ZNF841: variants seen among roughly 807,000 people sequenced by gnomAD.
ZNF841 encodes TCONS_00006091.
ZNF841 carries 11 observed loss-of-function variants against 13.0 expected under a neutral mutation model. The ratio of observed to expected loss-of-function variants is 0.85; its 90% CI spans 0.53 to 1.40. The LOEUF is 1.40. ZNF841 is among the 40% of genes most tolerant of loss of function. The pLI, the probability that ZNF841 is intolerant of heterozygous loss-of-function variation, is 0.00. For synonymous variants in ZNF841, 369 were observed against 381.6 expected (o/e 0.97, Z 0.38); for missense variants, 1,068 against 1,139.5 (o/e 0.94, Z 0.90).
At chr19:52,073,591 G>A (rs919948561) in intron 6 of ZNF841, among the ~76,000 whole-genome samples, 8 of 152,304 alleles carry the variant, frequency 5.3e-5, no homozygotes, top group South Asian at 2.1e-4. Context: ...TTACAGGCAT[G>A]AGCCATTGCT....
At chr19:52,061,676 G>A (rs1231825658), downstream of ZNF841, among the ~76,000 whole-genome samples, 7 of 152,040 alleles carry the variant, frequency 4.6e-5, no homozygotes, top group African/African-American at 1.4e-4. Flanking sequence ...CCTCCCAGGT[G>A]GCTGGGATTA....
At chr19:52,091,228 A>G (rs892139578) in intron 2 of ZNF841, among the ~76,000 whole-genome samples, 1 of 152,214 alleles carries the variant, frequency 6.6e-6, no homozygotes, top group Non-Finnish European at 1.5e-5. Context: ...CCATGTTCAT[A>G]GATTGTAAGA....
rs1293294961 is a variant in ZNF841 at position 52,067,376 on chromosome 19, C to T, written c.506G>A (p.Arg169Gln). 7 of 1,548,220 alleles carry T rather than the reference C, an allele frequency of 4.5e-6. No homozygotes were observed. The highest frequency in any genetic ancestry group is 2.7e-5 in the African/African-American group (2 of 72,902). ...HKNNLTGQRVRHSQGDVENKH... is the reference protein window; with the variant it reads ...HKNNLTGQRVQHSQGDVENKH... ...GTTTTCTACGTCCCCTTGACTATGT[C>T]GAACTCTTTGACCAGTAAGATTGTT... The change falls in exon 7 of 7, where the codon CGA (arginine) becomes CAA (glutamine). Residue 169 changes from arginine (R) to glutamine (Q), a missense_variant. Transcript: ENST00000594440.
intron 4 of ZNF841, among the ~76,000 whole-genome samples, chr19:52,082,063 C>T (rs940202164): frequency 1.3e-5 from 2 of 152,064 alleles, no homozygotes; most frequent in African/African-American, 2.4e-5. Flanking sequence ...CATCAAGCAT[C>T]AAGAACGTAT....
chr19:52,066,791 T>G lies in ZNF841; in HGVS notation c.1091A>C (p.Gln364Pro). The change falls in exon 7 of 7, where the codon CAG becomes CCG. Residue 364 changes from glutamine (Q) to proline (P), a missense_variant. Physicochemically the swap from Gln to Pro is moderately conservative, Grantham distance 76. Transcript: ENST00000594440. ...FSKSSHLAVHQRIHTGEKPYK... is the reference protein window; with the variant it reads ...FSKSSHLAVHPRIHTGEKPYK... Reference sequence around the variant, plus strand: ...AGGTTTCTCTCCAGTATGAATTCTCTGATGAACTGCAAGGTGGGAACTTTT... The same window carrying G: ...AGGTTTCTCTCCAGTATGAATTCTCGGATGAACTGCAAGGTGGGAACTTTT... The G allele has an allele frequency of 6.2e-7, 1 of 1,614,080 alleles. No homozygotes were observed. The highest frequency in any genetic ancestry group is 8.5e-7 in the Non-Finnish European group (1 of 1,179,984).
downstream of ZNF841, among the ~76,000 whole-genome samples, chr19:52,063,040 T>A (rs192121507): frequency 1.5e-3 from 234 of 152,146 alleles, no homozygotes; most frequent in African/African-American, 5.4e-3. Flanking sequence ...CACGCCTGGC[T>A]AATTATTTGT....
intron 4 of ZNF841, among the ~76,000 whole-genome samples, chr19:52,082,659 T>G (rs60193983): frequency 0.16 from 25,037 of 152,190 alleles, 2,591 homozygotes; most frequent in East Asian, 0.38. Flanking sequence ...GAAGACAGCA[T>G]GCACAGAGGA....
chr19:52,078,511 A>G (rs762446709), intron 4 of ZNF841, among the ~76,000 whole-genome samples: 1 of 152,090 alleles, frequency 6.6e-6, no homozygotes, highest in Non-Finnish European at 1.5e-5. Context: ...CATCCTGGCT[A>G]ACACGGTGAA....
chr19:52,062,560 C>T (rs553250359), downstream of ZNF841, among the ~76,000 whole-genome samples: 22 of 152,264 alleles, frequency 1.4e-4, no homozygotes, highest in South Asian at 4.6e-3. Flanking sequence ...GCCCTCTCAC[C>T]TTACTGATTT....
At chr19:52,074,841 A>T (rs545180004) in intron 6 of ZNF841, among the ~76,000 whole-genome samples, 2 of 152,068 alleles carry the variant, frequency 1.3e-5, no homozygotes, top group Non-Finnish European at 2.9e-5. Context: ...TACACCATTC[A>T]CTGCTAGCTC....
chr19:52,070,759 C>T (rs972204398), intron 6 of ZNF841, among the ~76,000 whole-genome samples: 1 of 152,204 alleles, frequency 6.6e-6, no homozygotes, highest in Non-Finnish European at 1.5e-5. Context: ...GAGTCATCAT[C>T]CCCTGCACAT....
the ZNF841 span, chr19:52,058,757 G>A: frequency 1.3e-5 from 2 of 153,120 alleles, no homozygotes; most frequent in South Asian, 2.1e-4. Context: ...TCAAAAAGCT[G>A]TAAAAATTTC....
intron 3 of ZNF841, among the ~76,000 whole-genome samples, chr19:52,087,288 T>G (rs1370478795): frequency 2.0e-5 from 3 of 152,214 alleles, no homozygotes; most frequent in African/African-American, 7.2e-5. Flanking sequence ...CATGGGGATG[T>G]GTTGTACACA....
At chr19:52,086,796 C>T (rs370894859) in intron 3 of ZNF841, among the ~76,000 whole-genome samples, 15 of 152,226 alleles carry the variant, frequency 9.9e-5, no homozygotes, top group African/African-American at 3.6e-4. Context: ...AAGAGTAAAG[C>T]AGGAAATGAA....
chr19:52,059,372 T>A, the ZNF841 span, among the ~76,000 whole-genome samples: 989 of 69,678 alleles, frequency 0.014, 9 homozygotes, highest in African/African-American at 0.049. Context: ...AAAAAAAAAA[T>A]ATATATATAT....
At chr19:52,069,515 T>C in intron 6 of ZNF841, among the ~76,000 whole-genome samples, 1 of 152,226 alleles carries the variant, frequency 6.6e-6, no homozygotes, top group Middle Eastern at 3.2e-3. Context: ...AGATACAATG[T>C]AGACTGCTCT....
chr19:52,079,303 G>A (rs10409383), intron 4 of ZNF841, among the ~76,000 whole-genome samples: 1,729 of 152,062 alleles, frequency 0.011, 36 homozygotes, highest in African/African-American at 0.038. Flanking sequence ...AGTGATTCAA[G>A]ATTAGGTGGT....
At chr19:52,085,140 C>A (rs1414630819) in intron 3 of ZNF841, among the ~76,000 whole-genome samples, 1 of 152,176 alleles carries the variant, frequency 6.6e-6, no homozygotes, top group Non-Finnish European at 1.5e-5. Context: ...AGGACACAGA[C>A]CCATCCCTGA....
intron 2 of ZNF841, among the ~76,000 whole-genome samples, chr19:52,093,333 T>C (rs1204869919): frequency 6.6e-6 from 1 of 152,152 alleles, no homozygotes; most frequent in Non-Finnish European, 1.5e-5. Context: ...TGGATGAACC[T>C]GGAAGACATT....
Sources: gnomAD v4.1 joint callset for allele counts (sites outside exome capture counted in the v4.1 genomes callset) on GRCh38, gnomAD v4.1.1 for gene constraint, MANE v1.5 for transcripts, NCBI Gene and HGNC (gene_info 2026-07-23, HGNC 2026-07-21) for gene names.